Variants in SPINT2 observed in about 807,000 individuals in gnomAD.
SPINT2 encodes kunitz-type protease inhibitor 2.
A neutral mutation model predicts 30.1 loss-of-function variants in SPINT2; 18 were observed. The observed-to-expected ratio is 0.60, with a 90% CI of 0.41 to 0.89. The LOEUF (loss-of-function observed/expected upper bound fraction) is 0.89. Among genes scored for constraint, SPINT2 ranks in the 40% least tolerant of loss-of-function variants. The pLI is 0.00. For missense variants in SPINT2, 276 were observed against 334.3 expected (o/e 0.83, Z 1.36); for synonymous variants, 139 against 137.9 (o/e 1.01, Z -0.05).
At chr19:38,279,215 T>C (rs1015388267) in intron 1 of SPINT2, among the ~76,000 whole-genome samples, 1 of 151,936 alleles carries the variant, frequency 6.6e-6, no homozygotes, top group African/African-American at 2.4e-5. Flanking sequence ...AATTTTTTTT[T>C]TGGCCAGGTG....
intron 1 of SPINT2, among the ~76,000 whole-genome samples, chr19:38,266,950 C>G (rs1201187400): frequency 6.6e-6 from 1 of 152,092 alleles, no homozygotes; most frequent in African/African-American, 2.4e-5. Flanking sequence ...CTGGTGCTTA[C>G]TCTGAGCTGG....
intron 3 of SPINT2, chr19:38,288,832 T>C (rs1268712494): frequency 2.8e-6 from 1 of 362,634 alleles, no homozygotes; most frequent in South Asian, 2.9e-5. Context: ...GAGAGGAACA[T>C]GTCCCCCTCA....
intron 2 of SPINT2, among the ~76,000 whole-genome samples, chr19:38,286,516 T>C (rs1407892541): frequency 6.6e-6 from 1 of 152,154 alleles, no homozygotes; most frequent in East Asian, 1.9e-4. Flanking sequence ...GTGCGGCGGC[T>C]CACGCCTGTA....
At chr19:38,265,055 C>G in intron 1 of SPINT2, 57 bp downstream of exon 1, 1 of 1,283,280 alleles carries the variant, frequency 7.8e-7, no homozygotes, top group Non-Finnish European at 1.0e-6. Flanking sequence ...GCTCGGGGGT[C>G]AACGGGGGTC....
chr19:38,290,448 C>G lies in SPINT2; in HGVS notation c.554-89C>G, dbSNP rs1171605107. ...AAGAAAGCCCCTCAGAAAGAGCTCC[C>G]CATGGAGGCCCTGGCTGAGGGGATC... On this transcript the variant is annotated intron_variant, in intron 5 of 6. Coordinates refer to ENST00000301244, the MANE Select transcript of SPINT2 (RefSeq NM_021102.4). The surrounding 1 kb of genome is among the most constrained non-coding windows in gnomAD (Gnocchi z 4.3). 2.5e-6 allele frequency: 4 copies of G among 1,609,226 alleles called. No individual in the cohort carries two copies. The highest frequency in any genetic ancestry group is 3.4e-6 in the Non-Finnish European group (4 of 1,177,216).
chr19:38,290,056 T>TGGCTTGCTTCCC lies in SPINT2; in HGVS notation c.392-62_392-51dup. ...GCCGCAAGCCTCCTCAGGCACTTTC[T>TGGCTTGCTTCCC]GGCTTGCTTCCCCTCCTTGCGGGCC... On this transcript the variant is annotated intron_variant, in intron 4 of 6. Transcript: ENST00000301244. This position sits in a 1 kb window ranked among gnomAD's most constrained non-coding sequence, Gnocchi z 4.3. 3 of 1,596,398 alleles carry TGGCTTGCTTCCC rather than the reference T, an allele frequency of 1.9e-6. No individual in the cohort carries two copies. Among genetic ancestry groups the TGGCTTGCTTCCC allele is most frequent in the Non-Finnish European group, 2.6e-6 (3 of 1,166,454 alleles).
At chr19:38,289,310 C>T (rs573670201) in intron 4 of SPINT2, 119 bp downstream of exon 4, 19 of 851,672 alleles carry the variant, frequency 2.2e-5, no homozygotes, top group Middle Eastern at 2.8e-4. Flanking sequence ...TGGTGAAACC[C>T]TGTCTCTACT....
rs760872642 is a variant in SPINT2 at position 38,290,747 on chromosome 19, T to C, written c.592+172T>C. Reference sequence around the variant, plus strand: ...GGTGGTGGTTTGTCCCACCGTTCAGTGTACACAGTTGGGGCTGGAGTGAGT... The same window carrying C: ...GGTGGTGGTTTGTCCCACCGTTCAGCGTACACAGTTGGGGCTGGAGTGAGT... On this transcript the variant is annotated intron_variant, in intron 6 of 6. Coordinates refer to ENST00000301244, the MANE Select transcript of SPINT2 (RefSeq NM_021102.4). This position sits in a 1 kb window ranked among gnomAD's most constrained non-coding sequence, Gnocchi z 4.3. 6.4e-6 allele frequency: 6 copies of C among 937,656 alleles called. No individual in the cohort carries two copies. Among genetic ancestry groups the C allele is most frequent in the Admixed American group, 4.1e-5 (2 of 49,076 alleles). 58.1% of individuals were successfully genotyped at this position (937,656 alleles called of 1,614,324 possible).
intron 1 of SPINT2, among the ~76,000 whole-genome samples, chr19:38,279,911 C>G (rs926679317): frequency 2.0e-5 from 3 of 152,222 alleles, no homozygotes; most frequent in African/African-American, 7.2e-5. Flanking sequence ...ACCTCACCCT[C>G]CCAAAGTGCT....
chr19:38,286,228 C>T (rs1968639304), intron 2 of SPINT2, among the ~76,000 whole-genome samples: 1 of 152,128 alleles, frequency 6.6e-6, no homozygotes, highest in African/African-American at 2.4e-5. Context: ...ATGAGACTGC[C>T]AGTGTATTAA....
Position 38,292,144 on chromosome 19 carries a change from G to A in SPINT2, c.*138G>A. 1.6e-6 allele frequency: 2 copies of A among 1,235,968 alleles called. No homozygotes were observed. Among genetic ancestry groups the A allele is most frequent in the Non-Finnish European group, 2.3e-6 (2 of 883,008 alleles). The allele number at this position is 1,235,968 out of a possible 1,614,324, so 76.6% of individuals were successfully genotyped here. On this transcript the variant is annotated 3_prime_UTR_variant, in exon 7 of 7. Coordinates refer to ENST00000301244, the MANE Select transcript of SPINT2 (RefSeq NM_021102.4). Reference sequence around the variant, plus strand: ...CTGGGAGGTAGGACGGCTGCTTCCTGGTCTGGCAGGGATGGGTTTGCTTTG... The same window carrying A: ...CTGGGAGGTAGGACGGCTGCTTCCTAGTCTGGCAGGGATGGGTTTGCTTTG...
chr19:38,271,836 A>G (rs1025262169), intron 1 of SPINT2, among the ~76,000 whole-genome samples: 26 of 151,178 alleles, frequency 1.7e-4, no homozygotes, highest in Admixed American at 1.4e-3. Context: ...AAAGAGGGCA[A>G]GAATTCACAT....
At chr19:38,274,812 T>TAA (rs35633044) in intron 1 of SPINT2, among the ~76,000 whole-genome samples, 20,387 of 139,872 alleles carry the variant, frequency 0.15, 1,686 homozygotes, top group East Asian at 0.37. Flanking sequence ...GAGACTGTCT[T>TAA]AAAAAAAAAA....
At position 38,264,679 on chromosome 19, in the gene SPINT2, C is replaced by T. The variant is rs372472022; in HGVS notation, c.-214C>T. 5.3e-4 allele frequency: 304 copies of T among 575,264 alleles called. 9 individuals are homozygous for T. The South Asian group carries it at 6.1e-3, about 12-fold the overall frequency. 35.6% of individuals were successfully genotyped at this position (575,264 alleles called of 1,614,324 possible). A position where few individuals can be genotyped will look rare whatever the true frequency, so the allele number is the denominator to read the frequency against. On this transcript the variant is annotated 5_prime_UTR_variant, in exon 1 of 7. Transcript: ENST00000301244. ...GGCGAGGGCGCGAGTGAGGAGCAGA[C>T]CCAGGCATCGCGCGCCGAGAAGGCC... is the stretch of plus-strand genomic sequence containing the variant.
intron 1 of SPINT2, among the ~76,000 whole-genome samples, chr19:38,278,429 T>C (rs532964090): frequency 6.6e-6 from 1 of 152,340 alleles, no homozygotes; most frequent in Middle Eastern, 3.4e-3. Context: ...CATTCTCGTT[T>C]GTAAAGCGGA....
chr19:38,276,511 G>C (rs1030818760), intron 1 of SPINT2, among the ~76,000 whole-genome samples: 4 of 151,796 alleles, frequency 2.6e-5, no homozygotes, highest in African/African-American at 9.7e-5. Flanking sequence ...GTGTGGTGGC[G>C]GGCGCCTGTA....
At chr19:38,265,907 G>GT (rs1408218440) in intron 1 of SPINT2, among the ~76,000 whole-genome samples, 1 of 152,224 alleles carries the variant, frequency 6.6e-6, no homozygotes, top group African/African-American at 2.4e-5. Context: ...GGCAGAGCTA[G>GT]TGAAGGTTTA....
chr19:38,279,296 C>T (rs34789649), intron 1 of SPINT2, among the ~76,000 whole-genome samples: 1 of 151,450 alleles, frequency 6.6e-6, no homozygotes, highest in Non-Finnish European at 1.5e-5. Flanking sequence ...GTCAGGAGTT[C>T]GAGACCAGCC....
Position 38,264,747 on chromosome 19 carries a change from G to T in SPINT2, c.-146G>T. The T allele has an allele frequency of 1.2e-6, 1 of 811,022 alleles. No homozygotes were observed. Among genetic ancestry groups the T allele is most frequent in the African/African-American group, 1.8e-5 (1 of 57,058 alleles). The allele number at this position is 811,022 out of a possible 1,614,324, so 50.2% of individuals were successfully genotyped here. A position where few individuals can be genotyped will look rare whatever the true frequency, so the allele number is the denominator to read the frequency against. ...AGGTCCGGAAAGGCGACTTCCGGGG[G>T]CTTTGGCACCTGGCGGACCCTCCCG... On this transcript the variant is annotated 5_prime_UTR_variant, in exon 1 of 7. Transcript: ENST00000301244.
Sources: allele counts gnomAD v4.1 joint callset (sites outside exome capture counted in the v4.1 genomes callset), GRCh38; gene constraint gnomAD v4.1.1; non-coding constraint Gnocchi (gnomAD v3.1); transcripts MANE v1.5; gene names NCBI Gene and HGNC (gene_info 2026-07-23, HGNC 2026-07-21).